MAP3K14: variants seen among roughly 807,000 people sequenced by gnomAD.
The protein encoded by MAP3K14 is NF-kappa-beta-inducing kinase.
MAP3K14 carries 16 observed loss-of-function variants against 99.2 expected under a neutral mutation model. The ratio of observed to expected loss-of-function variants is 0.16; its 90% CI spans 0.11 to 0.24. The LOEUF is 0.24. Among genes scored for constraint, MAP3K14 ranks in the 10% least tolerant of loss-of-function variants. The pLI, the probability that MAP3K14 is intolerant of heterozygous loss-of-function variation, is 1.00. For missense variants in MAP3K14, 784 were observed against 1,208.7 expected, an observed-to-expected ratio of 0.65 and a Z score of 5.21; for synonymous variants, 462 against 492.4, an observed-to-expected ratio of 0.94 and a Z score of 0.82.
At chr17:45,284,675 T>C (rs2044249865) in intron 6 of MAP3K14, 137 bp downstream of exon 6, 1 of 1,133,770 alleles carries the variant, frequency 8.8e-7, no homozygotes, top group Non-Finnish European at 1.2e-6. Context: ...CGACCTCAGG[T>C]GGCTAGTGAT....
intron 5 of MAP3K14, among the ~76,000 whole-genome samples, chr17:45,285,378 C>A (rs2044255431): frequency 6.6e-6 from 1 of 152,160 alleles, no homozygotes; most frequent in Non-Finnish European, 1.5e-5. Context: ...GTAATCCCAG[C>A]ACTTTGGGAG....
chr17:45,287,690 A>C (rs1312293611), intron 3 of MAP3K14, among the ~76,000 whole-genome samples: 2 of 152,230 alleles, frequency 1.3e-5, no homozygotes, highest in African/African-American at 4.8e-5. Flanking sequence ...GTACAGACTC[A>C]GCACTTCTTG....
chr17:45,304,098 C>T (rs1419255443), intron 1 of MAP3K14, among the ~76,000 whole-genome samples: 4 of 151,098 alleles, frequency 2.6e-5, no homozygotes, highest in African/African-American at 9.7e-5. Context: ...CTGCAACCTC[C>T]GTCTCCCGAG....
chr17:45,289,895 G>A (rs942485368), intron 2 of MAP3K14, among the ~76,000 whole-genome samples: 10 of 152,214 alleles, frequency 6.6e-5, no homozygotes, highest in African/African-American at 2.2e-4. Flanking sequence ...TGGAGAGAGA[G>A]GACTCCCGGC....
intron 6 of MAP3K14, among the ~76,000 whole-genome samples, chr17:45,284,505 G>A (rs2044248543): frequency 6.6e-6 from 1 of 152,188 alleles, no homozygotes; most frequent in Non-Finnish European, 1.5e-5. Flanking sequence ...ATTTCATGAC[G>A]CTCCAACCAT....
intron 1 of MAP3K14, among the ~76,000 whole-genome samples, chr17:45,291,345 T>A (rs933498094): frequency 6.6e-6 from 1 of 152,110 alleles, no homozygotes; most frequent in African/African-American, 2.4e-5. Flanking sequence ...AAACTCAGCA[T>A]GCAAATGGTG....
Position 45,286,572 on chromosome 17 carries a change from T to C in MAP3K14, c.1011A>G (p.Leu337=), listed in dbSNP as rs1346051042. The part of the protein sequence containing the change: ...AHEKFSVEEY[L]VHALQGSVSS... ...TCACGCTGCCTTGCAGAGCATGCAC[T>C]AGGTATTCCTCCACAGAAAACTTCT... Residue 337 remains leucine (L), a synonymous_variant, in exon 5 of 16, where the codon CTA becomes CTG. Coordinates refer to ENST00000344686, the MANE Select transcript of MAP3K14 (RefSeq NM_003954.5). The surrounding 1 kb of genome is among the most constrained non-coding windows in gnomAD (Gnocchi z 4.1). The C allele has an allele frequency of 1.2e-6, 2 of 1,611,224 alleles. No homozygotes were observed. The highest frequency in any genetic ancestry group is 1.7e-6 in the Non-Finnish European group (2 of 1,178,964).
At chr17:45,310,686 G>A (rs1213656780) in intron 1 of MAP3K14, among the ~76,000 whole-genome samples, 1 of 152,056 alleles carries the variant, frequency 6.6e-6, no homozygotes, top group East Asian at 1.9e-4. Context: ...GTGCACTGTG[G>A]GTTTGGACCC....
chr17:45,269,560 A>G (rs2044126155), intron 11 of MAP3K14, among the ~76,000 whole-genome samples: 1 of 152,126 alleles, frequency 6.6e-6, no homozygotes, highest in Admixed American at 6.6e-5. Flanking sequence ...GAGGGTTGGG[A>G]CTTTCATCCC....
At chr17:45,265,137 C>T (rs750198233) in intron 15 of MAP3K14, 26 bp downstream of exon 15, 4 of 1,570,916 alleles carry the variant, frequency 2.5e-6, no homozygotes, top group Non-Finnish European at 2.6e-6. Flanking sequence ...GGACTCTGCC[C>T]GTCAGAGTGT....
chr17:45,304,261 C>T (rs2044415097), intron 1 of MAP3K14, among the ~76,000 whole-genome samples: 1 of 152,208 alleles, frequency 6.6e-6, no homozygotes, highest in Non-Finnish European at 1.5e-5. Flanking sequence ...GCCTTGGCCT[C>T]CCAAAGTACT....
chr17:45,271,970 G>GT (rs1437270928), intron 9 of MAP3K14, among the ~76,000 whole-genome samples: 5 of 152,210 alleles, frequency 3.3e-5, no homozygotes, highest in East Asian at 1.9e-4. Context: ...GTGAACAGTG[G>GT]TTTTTTTCCT....
intron 1 of MAP3K14, among the ~76,000 whole-genome samples, chr17:45,305,509 C>T (rs2044424339): frequency 6.6e-6 from 1 of 151,390 alleles, no homozygotes; most frequent in South Asian, 2.1e-4. Flanking sequence ...GATTCTTATG[C>T]CTCAGCCACC....
At position 45,290,660 on chromosome 17, in the gene MAP3K14, G is replaced by T; in HGVS notation, c.86C>A (p.Thr29Lys). 6.2e-7 allele frequency: 1 copy of T among 1,613,344 alleles called. No individual in the cohort carries two copies. The highest frequency in any genetic ancestry group is 8.5e-7 in the Non-Finnish European group (1 of 1,179,804). Residue 29 changes from threonine (T) to lysine (K), a missense_variant, in exon 2 of 16, where the codon ACG (threonine) becomes AAG (lysine). Thr to Lys is a moderately conservative substitution (Grantham distance 78). This residue lies in a region of MAP3K14 where 188 missense variants were observed against 313.0 expected (regional missense o/e 0.60). Coordinates refer to ENST00000344686, the MANE Select transcript of MAP3K14 (RefSeq NM_003954.5). ...QKELPKAKEK[T>K]PPLGKKQSSV... ...GCTCTGTTTCTTCCCCAGTGGCGGC[G>T]TCTTCTCCTTGGCTTTGGGGAGTTC...
chr17:45,265,988 A>G (rs1250396769), intron 14 of MAP3K14, among the ~76,000 whole-genome samples: 1 of 152,282 alleles, frequency 6.6e-6, no homozygotes, highest in East Asian at 1.9e-4. Flanking sequence ...GCCTTTGGCC[A>G]GCCATGGGGC....
intron 1 of MAP3K14, among the ~76,000 whole-genome samples, chr17:45,311,295 T>C (rs1437421815): frequency 1.3e-5 from 2 of 152,162 alleles, no homozygotes; most frequent in Non-Finnish European, 2.9e-5. Context: ...TCCAGACTGA[T>C]GGGGTATGGG....
chr17:45,309,512 C>T (rs920149571), intron 1 of MAP3K14, among the ~76,000 whole-genome samples: 2 of 152,226 alleles, frequency 1.3e-5, no homozygotes, highest in African/African-American at 2.4e-5. Context: ...TAGCACCTAG[C>T]AGACATGGCC....
At chr17:45,288,609 C>G (rs1204597645) in intron 3 of MAP3K14, among the ~76,000 whole-genome samples, 1 of 152,074 alleles carries the variant, frequency 6.6e-6, no homozygotes, top group Non-Finnish European at 1.5e-5. Context: ...ATCTCCTGAC[C>G]TCGTGATCCA....
chr17:45,274,418 A>T (rs748636396), intron 7 of MAP3K14, 46 bp downstream of exon 7: 19 of 1,609,382 alleles, frequency 1.2e-5, no homozygotes, highest in South Asian at 1.1e-4. Flanking sequence ...TCAGGGGGGA[A>T]CTCTTGGCCC....
Sources: allele counts gnomAD v4.1 joint callset (sites outside exome capture counted in the v4.1 genomes callset), GRCh38; gene constraint gnomAD v4.1.1; regional missense constraint gnomAD v4.1.1; non-coding constraint Gnocchi (gnomAD v3.1); transcripts MANE v1.5; gene names NCBI Gene and HGNC (gene_info 2026-07-23, HGNC 2026-07-21).